Variants in NAALADL2 observed in about 807,000 individuals in gnomAD.
NAALADL2 encodes the protein N-acetylated alpha-linked acidic dipeptidase like 2, also known as inactive N-acetylated-alpha-linked acidic dipeptidase-like protein 2.
A neutral mutation model predicts 87.2 loss-of-function variants in NAALADL2; 76 were observed. The observed-to-expected ratio is 0.87, with a 90% CI of 0.72 to 1.05. The LOEUF is 1.05. NAALADL2 is among the 50% of genes least tolerant of loss of function. The pLI is 0.00. For missense variants in NAALADL2, 1,089 were observed against 945.8 expected (o/e 1.15, Z -1.99); for synonymous variants, 354 against 331.0 (o/e 1.07, Z -0.75).
At chr3:175,283,698 G>A (rs1754613808) in intron 4 of NAALADL2, among the ~76,000 whole-genome samples, 1 of 152,110 alleles carries the variant, frequency 6.6e-6, no homozygotes, top group South Asian at 2.1e-4. Context: ...AGGGATGAGG[G>A]TCTGCACCTG....
rs1273667396 is a variant in NAALADL2 at position 175,199,819 on chromosome 3, AATATATATATATATATATATATAT to A, written c.546-34089_546-34066del. ...TTTTTCTTTGTGTAGGGGGGAAAGA[AATATATATATATATATATATATAT>A]ATATATATATATATATATATATTTT... On this transcript the variant is annotated intron_variant, in intron 2 of 13. Transcript: ENST00000454872. Among the ~76,000 whole-genome samples, 56 of 21,356 alleles carry A rather than the reference AATATATATATATATATATATATAT, an allele frequency of 2.6e-3. 1 individual carries two copies. The highest frequency in any genetic ancestry group is 5.9e-3 in the African/African-American group (49 of 8,346). The allele number at this position is 21,356 out of a possible 152,430, so 14.0% of individuals were successfully genotyped here.
chr3:175,638,244 T>G (rs1372154590), intron 11 of NAALADL2, among the ~76,000 whole-genome samples: 1 of 152,222 alleles, frequency 6.6e-6, no homozygotes, highest in East Asian at 1.9e-4. Flanking sequence ...CATAACTGAC[T>G]GATTTCCACA....
chr3:175,166,355 C>T (rs1734006433), intron 2 of NAALADL2, among the ~76,000 whole-genome samples: 1 of 151,972 alleles, frequency 6.6e-6, no homozygotes, highest in South Asian at 2.1e-4. Context: ...CACTCTCTCT[C>T]CATTTCTTCC....
chr3:174,529,161 G>C (rs997989928), intron 1 of NAALADL2, among the ~76,000 whole-genome samples: 2 of 152,156 alleles, frequency 1.3e-5, no homozygotes, highest in African/African-American at 4.8e-5. Context: ...TAAGAATGAG[G>C]TAAATACACC....
chr3:175,623,744 A>G (rs922504370), intron 10 of NAALADL2, among the ~76,000 whole-genome samples: 1 of 152,044 alleles, frequency 6.6e-6, no homozygotes, highest in Non-Finnish European at 1.5e-5. Flanking sequence ...ATAAAGCCTC[A>G]GGGAATGAAT....
chr3:175,358,627 G>T (rs567015958), intron 5 of NAALADL2, among the ~76,000 whole-genome samples: 1 of 152,232 alleles, frequency 6.6e-6, no homozygotes, highest in Non-Finnish European at 1.5e-5. Flanking sequence ...TTTTTCCAAA[G>T]GTAGGAAATA....
chr3:175,355,831 A>G (rs1242531581), intron 5 of NAALADL2, among the ~76,000 whole-genome samples: 1 of 152,298 alleles, frequency 6.6e-6, no homozygotes, highest in South Asian at 2.1e-4. Context: ...TTAACAGTTT[A>G]CTTTTGGTGG....
At chr3:175,640,120 C>CT (rs1439309437) in intron 11 of NAALADL2, among the ~76,000 whole-genome samples, 1 of 152,062 alleles carries the variant, frequency 6.6e-6, no homozygotes, top group Non-Finnish European at 1.5e-5. Context: ...AAGGTTATTG[C>CT]TTTTTTGTAA....
At chr3:174,650,671 G>A (rs527892746) in intron 2 of NAALADL2, among the ~76,000 whole-genome samples, 15 of 152,234 alleles carry the variant, frequency 9.9e-5, no homozygotes, top group Non-Finnish European at 1.6e-4. Flanking sequence ...TATAGGAAAT[G>A]TGAGTAGAGA....
chr3:175,252,228 T>C (rs1180517438), intron 3 of NAALADL2, among the ~76,000 whole-genome samples: 1 of 152,210 alleles, frequency 6.6e-6, no homozygotes, highest in Non-Finnish European at 1.5e-5. Flanking sequence ...AGCAAGTCTG[T>C]TGGTACCATT....
intron 1 of NAALADL2, among the ~76,000 whole-genome samples, chr3:174,960,808 A>G (rs1490485007): frequency 6.6e-6 from 1 of 151,840 alleles, no homozygotes; most frequent in Non-Finnish European, 1.5e-5. Flanking sequence ...TTGCCTTTTA[A>G]AAGAATAAAA....
intron 10 of NAALADL2, among the ~76,000 whole-genome samples, chr3:175,626,803 A>C (rs1727047734): frequency 6.6e-6 from 1 of 151,838 alleles, no homozygotes; most frequent in African/African-American, 2.4e-5. Flanking sequence ...TACCACTCAG[A>C]GATCTGTTCT....
At chr3:175,309,718 A>G (rs1203794162) in intron 4 of NAALADL2, among the ~76,000 whole-genome samples, 2 of 152,028 alleles carry the variant, frequency 1.3e-5, no homozygotes, top group African/African-American at 4.8e-5. Flanking sequence ...TATCATAACC[A>G]CCAAAATAAA....
intron 11 of NAALADL2, among the ~76,000 whole-genome samples, chr3:175,707,510 A>G (rs1739889041): frequency 6.6e-6 from 1 of 152,114 alleles, no homozygotes; most frequent in Non-Finnish European, 1.5e-5. Flanking sequence ...ATCTATTTCA[A>G]GACTTCTCAT....
In NAALADL2 at chr3:175,321,104, C is replaced by T. The variant is rs1186543230; in HGVS notation, c.940-3071C>T. On this transcript the variant is annotated intron_variant, in intron 4 of 13. Coordinates refer to ENST00000454872, the MANE Select transcript of NAALADL2 (RefSeq NM_207015.3). The stretch of plus-strand genomic sequence containing the variant: ...AATCCTCAATAAAATACTGGCAACC[C>T]GAATCCAGCAGCACATCAAAAAGCT... Among the ~76,000 whole-genome samples the T allele has an allele frequency of 4.2e-3, 626 of 149,842 alleles. 7 individuals are homozygous for T. Among genetic ancestry groups the T allele is most frequent in the African/African-American group, 0.014 (579 of 40,768 alleles).
At chr3:175,001,620 TC>T (rs1748245096) in intron 1 of NAALADL2, among the ~76,000 whole-genome samples, 1 of 152,064 alleles carries the variant, frequency 6.6e-6, no homozygotes, top group African/African-American at 2.4e-5. Flanking sequence ...TCCTTGTTTT[TC>T]GTAATACCCT....
Position 175,254,520 on chromosome 3 carries a change from C to A in NAALADL2, c.820-1891C>A, listed in dbSNP as rs558671922. Among the ~76,000 whole-genome samples, 17 of 152,216 alleles carry A rather than the reference C, an allele frequency of 1.1e-4. 1 individual carries two copies. In the South Asian group the frequency reaches 3.5e-3, roughly 32 times the overall value. On this transcript the variant is annotated intron_variant, in intron 3 of 13. Transcript: ENST00000454872. ...AATCTCTGATGTATGCCTGTATACA[C>A]AATCTGATCTATATCCTCCAAAACA...
intron 1 of NAALADL2, among the ~76,000 whole-genome samples, chr3:174,910,686 C>T (rs1033003803): frequency 1.3e-5 from 2 of 151,974 alleles, no homozygotes; most frequent in Non-Finnish European, 2.9e-5. Flanking sequence ...TCAGTACACA[C>T]CATATTAGTC....
chr3:174,688,584 A>G (rs1728265578), intron 2 of NAALADL2, among the ~76,000 whole-genome samples: 2 of 152,074 alleles, frequency 1.3e-5, no homozygotes, highest in Admixed American at 6.6e-5. Flanking sequence ...ATTCTTCTCA[A>G]TAAAAATTTA....
Sources: gnomAD v4.1 joint callset for allele counts (sites outside exome capture counted in the v4.1 genomes callset) on GRCh38, gnomAD v4.1.1 for gene constraint, MANE v1.5 for transcripts, NCBI Gene and HGNC (gene_info 2026-07-23, HGNC 2026-07-21) for gene names.